Variants in CNTN5 observed in about 807,000 individuals in gnomAD.
The protein encoded by CNTN5 is contactin 5.
A neutral mutation model predicts 129.1 loss-of-function variants in CNTN5; 77 were observed. That is an observed-to-expected ratio of 0.60 (90% CI 0.50 to 0.72). CNTN5 has a LOEUF of 0.72. CNTN5 is among the 30% of genes least tolerant of loss of function. The pLI is 0.00. For synonymous variants in CNTN5, 509 were observed against 465.6 expected (o/e 1.09, Z -1.20); for missense variants, 1,478 against 1,328.8 (o/e 1.11, Z -1.75).
intron 13 of CNTN5, among the ~76,000 whole-genome samples, chr11:100,181,412 G>T (rs571183152): frequency 6.6e-6 from 1 of 151,926 alleles, no homozygotes; most frequent in South Asian, 2.1e-4. Context: ...ATTAGGAAGC[G>T]AATGGTGGTG....
intron 18 of CNTN5, among the ~76,000 whole-genome samples, chr11:100,284,444 T>C (rs922045028): frequency 1.3e-5 from 2 of 152,214 alleles, no homozygotes; most frequent in Non-Finnish European, 2.9e-5. Context: ...TCTGTTAATA[T>C]CATCAAACCA....
At chr11:100,329,320 C>G (rs909065279) in intron 21 of CNTN5, among the ~76,000 whole-genome samples, 4 of 152,180 alleles carry the variant, frequency 2.6e-5, no homozygotes, top group African/African-American at 9.7e-5. Flanking sequence ...TATCCCTGCC[C>G]CTACCTGGTA....
chr11:99,797,739 G>C (rs533401892), intron 3 of CNTN5, among the ~76,000 whole-genome samples: 52 of 152,142 alleles, frequency 3.4e-4, no homozygotes, highest in South Asian at 2.3e-3. Flanking sequence ...TGTTTACTCT[G>C]CTGGTTTATT....
At chr11:100,090,676 C>A (rs2137994478) in intron 13 of CNTN5, among the ~76,000 whole-genome samples, 1 of 151,606 alleles carries the variant, frequency 6.6e-6, no homozygotes, top group South Asian at 2.1e-4. Context: ...TGAGAGCTCA[C>A]TCTCTGGTTC....
chr11:100,321,648 C>CGGCCCTTT (rs1367467803), intron 21 of CNTN5, among the ~76,000 whole-genome samples: 3 of 152,054 alleles, frequency 2.0e-5, no homozygotes, highest in Non-Finnish European at 4.4e-5. Flanking sequence ...GAAAAGCCTT[C>CGGCCCTTT]GGCTTTTCCC....
chr11:99,472,935 G>A (rs1203844057), intron 2 of CNTN5, among the ~76,000 whole-genome samples: 2 of 152,116 alleles, frequency 1.3e-5, no homozygotes, highest in Non-Finnish European at 2.9e-5. Flanking sequence ...CTTCTTGATA[G>A]CTTAAATCTT....
At chr11:99,550,781 T>C (rs1297461805) in intron 2 of CNTN5, among the ~76,000 whole-genome samples, 5 of 152,164 alleles carry the variant, frequency 3.3e-5, no homozygotes, top group African/African-American at 4.8e-5. Context: ...GGCTAATCTC[T>C]AGTTTATTCA....
intron 7 of CNTN5, among the ~76,000 whole-genome samples, chr11:99,926,022 A>T (rs938182730): frequency 1.3e-5 from 2 of 152,170 alleles, no homozygotes; most frequent in Non-Finnish European, 2.9e-5. Context: ...CCTTGCCTGT[A>T]GCGAAGGAAT....
At chr11:99,115,756 G>C (rs879111586) in intron 1 of CNTN5, among the ~76,000 whole-genome samples, 1 of 151,986 alleles carries the variant, frequency 6.6e-6, no homozygotes, top group Non-Finnish European at 1.5e-5. Flanking sequence ...GCGAAACTCC[G>C]TCTCAAAGGG....
At chr11:99,598,375 CCTCTCT>C (rs1314553033) in intron 3 of CNTN5, among the ~76,000 whole-genome samples, 1 of 9,650 alleles carries the variant, frequency 1.0e-4, no homozygotes, top group Non-Finnish European at 2.0e-4. Flanking sequence ...TCTCTCTCTC[CCTCTCT>C]CTCTCTGTCT....
rs534040134 is a variant in CNTN5 at position 100,042,994 on chromosome 11, A to G, written c.981-18218A>G. ...CCTTTCCATCAAAACTGACATCTCC[A>G]TTCATTCTTCTAGTGTAGCTAAAAT... On this transcript the variant is annotated intron_variant, in intron 9 of 24. Coordinates refer to ENST00000524871, the MANE Select transcript of CNTN5 (RefSeq NM_014361.4). Among the ~76,000 whole-genome samples the G allele has an allele frequency of 4.6e-5, 7 of 152,022 alleles. No homozygotes were observed. In the South Asian group the frequency reaches 1.2e-3, roughly 27 times the overall value.
Position 100,008,724 on chromosome 11 carries a change from T to A in CNTN5, c.980+6588T>A, listed in dbSNP as rs564978358. ...CACAGAAATTCACTATTCGCCTTTT[T>A]GGTTCCAAGTTTAAACTAAGACTTA... On this transcript the variant is annotated intron_variant, in intron 9 of 24. Transcript: ENST00000524871. Among the ~76,000 whole-genome samples, 30 of 152,278 alleles carry A rather than the reference T, an allele frequency of 2.0e-4. No homozygotes were observed. The South Asian group carries it at 6.2e-3, about 32-fold the overall frequency.
intron 1 of CNTN5, among the ~76,000 whole-genome samples, chr11:99,065,059 G>T (rs932106541): frequency 4.0e-5 from 6 of 151,694 alleles, no homozygotes; most frequent in African/African-American, 1.2e-4. Flanking sequence ...TTTTTAATTT[G>T]CTCTTTATAA....
intron 13 of CNTN5, among the ~76,000 whole-genome samples, chr11:100,169,587 T>A (rs530425058): frequency 9.9e-5 from 15 of 152,030 alleles, no homozygotes; most frequent in African/African-American, 3.6e-4. Context: ...TTAAGATATG[T>A]GCATTGTTTC....
chr11:100,241,318 T>G (rs1482065050), intron 16 of CNTN5, among the ~76,000 whole-genome samples: 3 of 151,116 alleles, frequency 2.0e-5, no homozygotes, highest in Non-Finnish European at 4.4e-5. Context: ...ATATAAAGTG[T>G]CTACAAGTGT....
At chr11:99,714,088 T>A (rs1188514380) in intron 3 of CNTN5, among the ~76,000 whole-genome samples, 1 of 151,874 alleles carries the variant, frequency 6.6e-6, no homozygotes, top group African/African-American at 2.4e-5. Flanking sequence ...CATTATATTA[T>A]CCATTTAAAG....
intron 21 of CNTN5, among the ~76,000 whole-genome samples, chr11:100,313,097 A>G (rs1270640237): frequency 6.6e-6 from 1 of 152,058 alleles, no homozygotes; most frequent in African/African-American, 2.4e-5. Context: ...TTATGAAAAA[A>G]AGTTTGTCTT....
chr11:99,656,929 T>A (rs755418275), intron 3 of CNTN5, among the ~76,000 whole-genome samples: 6 of 125,384 alleles, frequency 4.8e-5, no homozygotes, highest in Non-Finnish European at 1.0e-4. Flanking sequence ...AGTATCTAAT[T>A]TAACCCAGAC....
chr11:100,169,219 G>C (rs1394575568), intron 13 of CNTN5, among the ~76,000 whole-genome samples: 2 of 151,992 alleles, frequency 1.3e-5, no homozygotes, highest in Non-Finnish European at 2.9e-5. Flanking sequence ...AGGGTTTGAA[G>C]AGGGTTGACT....
Sources: allele counts gnomAD v4.1 joint callset (sites outside exome capture counted in the v4.1 genomes callset), GRCh38; gene constraint gnomAD v4.1.1; transcripts MANE v1.5; gene names NCBI Gene and HGNC (gene_info 2026-07-23, HGNC 2026-07-21).